The following SHROOM3 variants were observed in gnomAD, a reference collection of about 807,000 sequenced individuals.
The protein encoded by SHROOM3 is shroom family member 3.
SHROOM3 carries 47 observed loss-of-function variants against 138.6 expected under a neutral mutation model. The ratio of observed to expected loss-of-function variants is 0.34; its 90% CI spans 0.27 to 0.43. The LOEUF is 0.43. SHROOM3 is among the 20% of genes least tolerant of loss of function. The probability of loss-of-function intolerance (pLI) is 1.00; values close to 1 mark genes in which losing one functional copy is unlikely to be tolerated. For synonymous variants in SHROOM3, 1,062 were observed against 1,063.3 expected (o/e 1.00, Z 0.02); for missense variants, 2,491 against 2,596.5 (o/e 0.96, Z 0.88).
chr4:76,566,264 A>G (rs1258836539), intron 2 of SHROOM3, among the ~76,000 whole-genome samples: 2 of 152,150 alleles, frequency 1.3e-5, no homozygotes, highest in African/African-American at 4.8e-5. Context: ...TAATCCAGAG[A>G]TGATTTAAAG....
intron 1 of SHROOM3, among the ~76,000 whole-genome samples, chr4:76,460,344 A>G (rs946296885): frequency 6.6e-6 from 1 of 152,204 alleles, no homozygotes; most frequent in Non-Finnish European, 1.5e-5. Flanking sequence ...GTAGAGCCAG[A>G]TGCACAAACA....
Position 76,710,204 on chromosome 4 carries a change from C to T in SHROOM3, c.372C>T (p.Phe124=), listed in dbSNP as rs938486945. ...ATGCAGATACTGGTGCCTCTAACTT[C>T]GTCAGCCCAGAACACCTCACCTCTG... ...PGHADTGASN[F]VSPEHLTSGP... Residue 124 remains phenylalanine, a synonymous_variant, in exon 3 of 11, where the codon TTC becomes TTT. Transcript: ENST00000296043. The T allele has an allele frequency of 5.0e-6, 8 of 1,614,140 alleles. No homozygotes were observed. The highest frequency in any genetic ancestry group is 6.8e-6 in the Non-Finnish European group (8 of 1,180,010).
intron 1 of SHROOM3, among the ~76,000 whole-genome samples, chr4:76,445,290 C>T (rs1730782519): frequency 2.0e-5 from 3 of 152,038 alleles, no homozygotes; most frequent in South Asian, 2.1e-4. Flanking sequence ...ACAGATTATT[C>T]CCTGCCATCA....
At chr4:76,699,686 G>A (rs1422811129) in intron 2 of SHROOM3, among the ~76,000 whole-genome samples, 1 of 152,160 alleles carries the variant, frequency 6.6e-6, no homozygotes. Context: ...CACCGTGCTT[G>A]TTGCATGTTC....
chr4:76,681,145 C>T (rs1719180130), intron 2 of SHROOM3, among the ~76,000 whole-genome samples: 1 of 152,230 alleles, frequency 6.6e-6, no homozygotes, highest in African/African-American at 2.4e-5. Context: ...TGCAGTTCCA[C>T]AACTGGCCTG....
chr4:76,638,148 A>G, intron 2 of SHROOM3, among the ~76,000 whole-genome samples: 1 of 152,194 alleles, frequency 6.6e-6, no homozygotes, highest in East Asian at 1.9e-4. Context: ...CTAATTTTTT[A>G]ATAGCACCAA....
chr4:76,669,194 A>G (rs1438357909), intron 2 of SHROOM3, among the ~76,000 whole-genome samples: 3 of 152,202 alleles, frequency 2.0e-5, no homozygotes, highest in Admixed American at 2.0e-4. Flanking sequence ...ACCTTGTTCA[A>G]TTGGAGAATT....
At chr4:76,447,959 C>A (rs1425920537) in intron 1 of SHROOM3, among the ~76,000 whole-genome samples, 1 of 151,978 alleles carries the variant, frequency 6.6e-6, no homozygotes, top group African/African-American at 2.4e-5. Flanking sequence ...TCAGGCCCTG[C>A]AAAGTACTAC....
chr4:76,757,310 G>A (rs1174610667), intron 8 of SHROOM3, among the ~76,000 whole-genome samples: 1 of 152,150 alleles, frequency 6.6e-6, no homozygotes, highest in Non-Finnish European at 1.5e-5. Flanking sequence ...TTAAGACCAT[G>A]CTCACCAAGG....
intron 2 of SHROOM3, chr4:76,637,783 A>T (rs895152402): frequency 6.6e-6 from 1 of 152,176 alleles, no homozygotes; most frequent in Non-Finnish European, 1.5e-5. Context: ...CACCCTCATC[A>T]CTAGGCCTGG....
intron 1 of SHROOM3, among the ~76,000 whole-genome samples, chr4:76,471,003 T>C (rs1308941701): frequency 3.3e-5 from 5 of 152,154 alleles, no homozygotes; most frequent in Non-Finnish European, 7.4e-5. Context: ...GGTGTGTGTG[T>C]GTGAGAGAGA....
intron 6 of SHROOM3, among the ~76,000 whole-genome samples, chr4:76,749,715 G>A (rs550916182): frequency 4.6e-5 from 7 of 152,318 alleles, no homozygotes; most frequent in African/African-American, 1.7e-4. Context: ...ACAGAGGAAA[G>A]TCGTTTTTTT....
chr4:76,471,190 G>A (rs2109982005), intron 1 of SHROOM3, among the ~76,000 whole-genome samples: 1 of 151,838 alleles, frequency 6.6e-6, no homozygotes, highest in South Asian at 2.1e-4. Flanking sequence ...TTATGGAATT[G>A]CCTAGCTCTG....
At chr4:76,594,547 G>A (rs577520603) in intron 2 of SHROOM3, among the ~76,000 whole-genome samples, 1 of 152,174 alleles carries the variant, frequency 6.6e-6, no homozygotes, top group Non-Finnish European at 1.5e-5. Flanking sequence ...AATTAGAGGT[G>A]AGGACATCAT....
chr4:76,608,838 A>G (rs1419890894), intron 2 of SHROOM3, among the ~76,000 whole-genome samples: 1 of 152,138 alleles, frequency 6.6e-6, no homozygotes, highest in African/African-American at 2.4e-5. Flanking sequence ...TTGAGAATCC[A>G]TTTCTCCCTC....
At chr4:76,701,573 G>A (rs796446533) in intron 2 of SHROOM3, among the ~76,000 whole-genome samples, 3 of 152,286 alleles carry the variant, frequency 2.0e-5, no homozygotes, top group Non-Finnish European at 2.9e-5. Context: ...CTATAATCTG[G>A]TATTAAAGTA....
chr4:76,617,891 G>A (rs1427564340), intron 2 of SHROOM3, among the ~76,000 whole-genome samples: 1 of 152,208 alleles, frequency 6.6e-6, no homozygotes, highest in Non-Finnish European at 1.5e-5. Context: ...CACATAAGGT[G>A]TTTGTTTACT....
At chr4:76,619,832 C>A (rs183213958) in intron 2 of SHROOM3, among the ~76,000 whole-genome samples, 1 of 151,974 alleles carries the variant, frequency 6.6e-6, no homozygotes, top group Non-Finnish European at 1.5e-5. Flanking sequence ...GAGGCCGAGG[C>A]GGGTGGATCA....
At chr4:76,478,652 G>A (rs1289909271) in intron 1 of SHROOM3, among the ~76,000 whole-genome samples, 1 of 152,202 alleles carries the variant, frequency 6.6e-6, no homozygotes, top group African/African-American at 2.4e-5. Flanking sequence ...GCCTCCTCAA[G>A]TGGGTTCATG....
Sources: gnomAD v4.1 joint callset for allele counts (sites outside exome capture counted in the v4.1 genomes callset) on GRCh38, gnomAD v4.1.1 for gene constraint, MANE v1.5 for transcripts, NCBI Gene and HGNC (gene_info 2026-07-23, HGNC 2026-07-21) for gene names.